Variants in ATP8A2 observed in about 807,000 individuals in gnomAD.
The protein encoded by ATP8A2 is phospholipid-transporting ATPase IB.
ATP8A2 carries 100 observed loss-of-function variants against 165.6 expected under a neutral mutation model. The ratio of observed to expected loss-of-function variants is 0.60; its 90% confidence interval spans 0.51 to 0.71. The LOEUF is 0.71. Ranked by LOEUF, ATP8A2 falls within the 30% of genes least tolerant of loss-of-function variation. ATP8A2 has a pLI of 0.00. For missense variants in ATP8A2, 1,227 were observed against 1,479.5 expected (o/e 0.83, Z 2.80); for synonymous variants, 543 against 548.8 (o/e 0.99, Z 0.15).
Position 26,022,749 on chromosome 13 carries a change from TG to T in ATP8A2, c.*2766del, listed in dbSNP as rs1166281739. ...ACCCCTCCCCTGGGGCAGGGTGGAC[TG>T]GACTAGGTTGCATACGCTGGCTGTC... On this transcript the variant is annotated 3_prime_UTR_variant, in exon 37 of 37. Transcript: ENST00000381655. The T allele has an allele frequency of 1.3e-5, 2 of 152,228 alleles. No homozygotes were observed. The highest frequency in any genetic ancestry group is 4.8e-5 in the African/African-American group (2 of 41,446). 9.4% of individuals were successfully genotyped at this position (152,228 alleles called of 1,614,324 possible).
intron 24 of ATP8A2, among the ~76,000 whole-genome samples, chr13:25,650,081 G>C (rs1007641102): frequency 1.3e-5 from 2 of 152,180 alleles, no homozygotes; most frequent in Non-Finnish European, 2.9e-5. Context: ...TTTTCCCTCT[G>C]TAGAAACCAT....
chr13:25,567,374 T>G, intron 16 of ATP8A2: 1 of 456,734 alleles, frequency 2.2e-6, no homozygotes, highest in Non-Finnish European at 4.4e-6. Flanking sequence ...GAAAGAACTT[T>G]AGGAAGAAAT....
chr13:25,871,746 C>T (rs913046609), intron 33 of ATP8A2, among the ~76,000 whole-genome samples: 2 of 152,116 alleles, frequency 1.3e-5, no homozygotes, highest in Non-Finnish European at 2.9e-5. Flanking sequence ...GCTTTCTGAA[C>T]TTTGATTAGC....
intron 25 of ATP8A2, among the ~76,000 whole-genome samples, chr13:25,718,915 A>G (rs1406395502): frequency 6.6e-6 from 1 of 152,152 alleles, no homozygotes; most frequent in Admixed American, 6.5e-5. Flanking sequence ...CAGGAGTGGA[A>G]GGGAATGGGC....
chr13:25,791,542 T>C (rs9551223), intron 27 of ATP8A2, among the ~76,000 whole-genome samples: 23,173 of 142,888 alleles, frequency 0.16, 1,981 homozygotes, highest in East Asian at 0.2. Flanking sequence ...CACACACACA[T>C]ACACACACAC....
At chr13:25,500,272 C>T (rs1484027513) in intron 2 of ATP8A2, among the ~76,000 whole-genome samples, 1 of 151,990 alleles carries the variant, frequency 6.6e-6, no homozygotes, top group Non-Finnish European at 1.5e-5. Context: ...TCTTGTTTGC[C>T]CTAGAGAATT....
At chr13:25,512,472 C>T (rs2037264711) in intron 2 of ATP8A2, among the ~76,000 whole-genome samples, 2 of 151,984 alleles carry the variant, frequency 1.3e-5, no homozygotes, top group Admixed American at 6.5e-5. Flanking sequence ...CAGAGGCACC[C>T]CTCATCTCCC....
chr13:25,434,175 T>G (rs1468499828), intron 1 of ATP8A2, among the ~76,000 whole-genome samples: 1 of 152,122 alleles, frequency 6.6e-6, no homozygotes, highest in Non-Finnish European at 1.5e-5. Flanking sequence ...CCCTCTGTGG[T>G]GCGAGGAATT....
intron 35 of ATP8A2, among the ~76,000 whole-genome samples, chr13:25,986,885 G>A (rs1344001329): frequency 6.6e-6 from 1 of 152,082 alleles, no homozygotes; most frequent in South Asian, 2.1e-4. Flanking sequence ...GCTTCCCAGA[G>A]GCAGAAGTGC....
At chr13:25,651,909 T>G (rs2041822004) in intron 24 of ATP8A2, among the ~76,000 whole-genome samples, 2 of 152,308 alleles carry the variant, frequency 1.3e-5, no homozygotes, top group South Asian at 4.1e-4. Flanking sequence ...TTTATTACTT[T>G]TGTACTTAGA....
intron 30 of ATP8A2, among the ~76,000 whole-genome samples, chr13:25,848,427 G>C (rs908400042): frequency 6.6e-6 from 1 of 152,248 alleles, no homozygotes; most frequent in Non-Finnish European, 1.5e-5. Flanking sequence ...GGCATGGGGT[G>C]CTGGGGGATA....
intron 24 of ATP8A2, among the ~76,000 whole-genome samples, chr13:25,638,411 A>T (rs2041427050): frequency 1.3e-5 from 2 of 152,192 alleles, no homozygotes. Flanking sequence ...GAAGTCCTTA[A>T]ATGACCTAAT....
intron 27 of ATP8A2, among the ~76,000 whole-genome samples, chr13:25,784,853 C>T (rs1404296942): frequency 6.6e-6 from 1 of 151,942 alleles, no homozygotes; most frequent in Non-Finnish European, 1.5e-5. Context: ...GCAACCTCTG[C>T]CTCCTGGGTT....
intron 2 of ATP8A2, among the ~76,000 whole-genome samples, chr13:25,521,467 A>G (rs147010710): frequency 1.3e-5 from 2 of 152,232 alleles, no homozygotes; most frequent in African/African-American, 4.8e-5. Flanking sequence ...AATGTCCTGG[A>G]GTATTTCCCC....
chr13:25,952,768 C>A (rs1955404785), intron 33 of ATP8A2, among the ~76,000 whole-genome samples: 1 of 152,164 alleles, frequency 6.6e-6, no homozygotes, highest in Admixed American at 6.5e-5. Flanking sequence ...GCTCAGCACA[C>A]CTGCACCTCA....
In ATP8A2 at chr13:25,968,660, C is replaced by CG. The variant is rs1265035795; in HGVS notation, c.3361dup (p.Asp1121GlyfsTer2). 3 of 1,613,190 alleles carry CG rather than the reference C, an allele frequency of 1.9e-6. No individual in the cohort carries two copies. In the Admixed American group the frequency reaches 5.0e-5, roughly 27 times the overall value. On this transcript the variant is annotated frameshift_variant, in exon 35 of 37. Coordinates refer to ENST00000381655, the MANE Select transcript of ATP8A2 (RefSeq NM_016529.6). LOFTEE classifies it high-confidence loss of function. Reference sequence around the variant, plus strand: ...TCGAGTCCTGGGAAAAGCGGTGCTGCGGGATAGCAATGGAAAGAGGTGGGG... The same window carrying CG: ...TCGAGTCCTGGGAAAAGCGGTGCTGCGGGGATAGCAATGGAAAGAGGTGGGG...
At chr13:25,451,368 C>A (rs558071398) in intron 1 of ATP8A2, among the ~76,000 whole-genome samples, 5 of 152,098 alleles carry the variant, frequency 3.3e-5, no homozygotes, top group South Asian at 4.1e-4. Flanking sequence ...AAAGAGAGTG[C>A]GATCCTAGCA....
intron 35 of ATP8A2, among the ~76,000 whole-genome samples, chr13:25,994,655 C>G (rs1452292707): frequency 6.6e-6 from 1 of 151,682 alleles, no homozygotes; most frequent in East Asian, 1.9e-4. Flanking sequence ...TGTTTTTTTT[C>G]TCTTTAGCCT....
chr13:25,593,000 T>C (rs892838649), intron 24 of ATP8A2, among the ~76,000 whole-genome samples: 1 of 152,178 alleles, frequency 6.6e-6, no homozygotes, highest in African/African-American at 2.4e-5. Context: ...AAAAGGACAC[T>C]CCATATTTCT....
Sources: gnomAD v4.1 joint callset for allele counts (sites outside exome capture counted in the v4.1 genomes callset) on GRCh38, gnomAD v4.1.1 for gene constraint, MANE v1.5 for transcripts, NCBI Gene and HGNC (gene_info 2026-07-23, HGNC 2026-07-21) for gene names.